Variants in GDPD3 observed in about 807,000 individuals in gnomAD.
GDPD3 encodes glycerophosphodiester phosphodiesterase domain containing 3, also known as lysophospholipase D GDPD3.
Under a neutral mutation model 43.7 loss-of-function variants are expected in GDPD3, and 40 were observed. The observed-to-expected ratio is 0.91, with a 90% CI of 0.71 to 1.19. The LOEUF (loss-of-function observed/expected upper bound fraction) is 1.19, where lower values mean the gene tolerates loss of function less well. Among genes scored for constraint, GDPD3 ranks in the 50% most tolerant of loss-of-function variants. The pLI is 0.00. For missense variants in GDPD3, 363 were observed against 415.8 expected (o/e 0.87, Z 1.11); for synonymous variants, 145 against 162.9 (o/e 0.89, Z 0.84).
rs745659290 is a variant in GDPD3, at chr16:30,112,121, G to A, written c.573+11C>T. On this transcript the variant is annotated intron_variant, in intron 6 of 9. Transcript: ENST00000406256. This position sits in a 1 kb window ranked among gnomAD's most constrained non-coding sequence, Gnocchi z 5.4. ...GGAGGAAGAGGACGGGGGAGGGGTG[G>A]GGGGACTCACGGCAGCCTTGCATTT... 1 of 1,608,862 alleles carries A rather than the reference G, an allele frequency of 6.2e-7. No individual in the cohort carries two copies.
At chr16:30,105,807 A>G (rs1348004903) in intron 9 of GDPD3, among the ~76,000 whole-genome samples, 1 of 149,186 alleles carries the variant, frequency 6.7e-6, no homozygotes, top group Non-Finnish European at 1.5e-5. Context: ...CCGGCCCTAA[A>G]TAAATTATTA....
At chr16:30,107,623 T>A (rs1259484313) in intron 9 of GDPD3, 1 of 152,226 alleles carries the variant, frequency 6.6e-6, no homozygotes, top group African/African-American at 2.4e-5. Flanking sequence ...GTTGTCATCA[T>A]AATGGCTAAC....
chr16:30,112,080 A>C lies in GDPD3; in HGVS notation c.573+52T>G. ...TGCTGGGTGGGCTCCAGCTCTGGGGAGGAGGGGCCCCTGGAGGAGGAAGAG... is the reference window on the plus strand; with the variant it reads ...TGCTGGGTGGGCTCCAGCTCTGGGGCGGAGGGGCCCCTGGAGGAGGAAGAG... On this transcript the variant is annotated intron_variant, in intron 6 of 9. Transcript: ENST00000406256. The surrounding 1 kb of genome is among the most constrained non-coding windows in gnomAD (Gnocchi z 5.4). 20 of 1,388,816 alleles carry C rather than the reference A, an allele frequency of 1.4e-5. No individual in the cohort carries two copies. The highest frequency in any genetic ancestry group is 1.9e-4 in the Middle Eastern group (1 of 5,162). 86.0% of individuals were successfully genotyped at this position (1,388,816 alleles called of 1,614,324 possible).
chr16:30,112,046 G>A lies in GDPD3; in HGVS notation c.573+86C>T, dbSNP rs996990094. ...GAACTCTCCCAGACCCCTCTAGCTC[G>A]GGTCCCCATGCTGGGTGGGCTCCAG... On this transcript the variant is annotated intron_variant, in intron 6 of 9. Transcript: ENST00000406256. The surrounding 1 kb of genome is among the most constrained non-coding windows in gnomAD (Gnocchi z 5.4). The A allele has an allele frequency of 4.0e-5, 42 of 1,047,330 alleles. 1 individual carries two copies. The highest frequency in any genetic ancestry group is 1.9e-4 in the East Asian group (8 of 41,072). 64.9% of individuals were successfully genotyped at this position (1,047,330 alleles called of 1,614,324 possible).
chr16:30,104,983 CTCTT>C lies in GDPD3; in HGVS notation c.842_845del (p.Glu281GlyfsTer16). On this transcript the variant is annotated frameshift_variant, in exon 10 of 10. Transcript: ENST00000406256. LOFTEE classifies it high-confidence loss of function. Reference sequence around the variant, plus strand: ...CGCTGAAGGCTGCTTCAAAATCCGACTCTTCATTAAGGCACCAAAAGACCACCTG... The same window carrying C: ...CGCTGAAGGCTGCTTCAAAATCCGACCATTAAGGCACCAAAAGACCACCTG... 3 of 1,611,754 alleles carry C rather than the reference CTCTT, an allele frequency of 1.9e-6. No individual in the cohort carries two copies. The highest frequency in any genetic ancestry group is 1.7e-6 in the Non-Finnish European group (2 of 1,179,354).
At chr16:30,106,557 G>A (rs2072862322) in intron 9 of GDPD3, among the ~76,000 whole-genome samples, 3 of 152,072 alleles carry the variant, frequency 2.0e-5, no homozygotes, top group Admixed American at 2.0e-4. Flanking sequence ...GATGAGACGA[G>A]GTCTCTCTGT....
chr16:30,110,532 CA>C (rs1220011993), intron 7 of GDPD3: 1 of 151,914 alleles, frequency 6.6e-6, no homozygotes, highest in African/African-American at 2.4e-5. Context: ...TTCTGGACAA[CA>C]GAGGGGAGCA....
At chr16:30,110,481 C>A (rs1388335213) in intron 7 of GDPD3, 6 of 152,062 alleles carry the variant, frequency 3.9e-5, no homozygotes, top group Admixed American at 3.9e-4. Flanking sequence ...TATCATTGAT[C>A]TCTTTGTAGC....
Position 30,113,416 on chromosome 16 carries a change from G to A in GDPD3, c.63C>T (p.Phe21=), listed in dbSNP as rs1300925128. 6.2e-6 allele frequency: 10 copies of A among 1,612,280 alleles called. No homozygotes were observed. The highest frequency in any genetic ancestry group is 8.5e-6 in the Non-Finnish European group (10 of 1,178,968). ...ALGSYAMLSI[F]FLRRPHLLHT... ...GCAGCAGATGAGGCCGGCGCAGGAA[G>A]AAGATGGAGAGCATGGCATAGCTGC... is the stretch of plus-strand genomic sequence containing the variant. The change falls in exon 1 of 10, where the codon TTC becomes TTT. Residue 21 remains phenylalanine, a synonymous_variant. Transcript: ENST00000406256. This position sits in a 1 kb window ranked among gnomAD's most constrained non-coding sequence, Gnocchi z 5.9.
Position 30,112,459 on chromosome 16 carries a change from GC to G in GDPD3, c.365-36del, listed in dbSNP as rs2072908769. On this transcript the variant is annotated intron_variant, in intron 4 of 9. Coordinates refer to ENST00000406256, the MANE Select transcript of GDPD3 (RefSeq NM_024307.3). This position sits in a 1 kb window ranked among gnomAD's most constrained non-coding sequence, Gnocchi z 5.4. ...GTGTGGGAAAAGGGGTCAGAGGGAA[GC>G]CAAGGCGGAGGTCCAAGGAAGGCAG... is the stretch of plus-strand genomic sequence containing the variant. The G allele has an allele frequency of 1.2e-6, 2 of 1,613,804 alleles. No individual in the cohort carries two copies. Among genetic ancestry groups the G allele is most frequent in the East Asian group, 4.5e-5 (2 of 44,882 alleles).
chr16:30,106,507 T>G (rs2151039558), intron 9 of GDPD3, among the ~76,000 whole-genome samples: 1 of 152,204 alleles, frequency 6.6e-6, no homozygotes, highest in East Asian at 1.9e-4. Context: ...GAGTGGGCAC[T>G]GAGGTAGGCG....
At position 30,108,016 on chromosome 16, in the gene GDPD3, CAG is replaced by C. The variant is rs199546777; in HGVS notation, c.819+195_819+196del. The C allele has an allele frequency of 7.0e-3, 3,667 of 524,076 alleles. 113 individuals carry two copies. Among genetic ancestry groups the C allele is most frequent in the African/African-American group, 0.06 (3,077 of 51,274 alleles). 32.5% of individuals were successfully genotyped at this position (524,076 alleles called of 1,614,324 possible). On this transcript the variant is annotated intron_variant, in intron 9 of 9. Transcript: ENST00000406256. Reference sequence around the variant, plus strand: ...ACACACACACACACACACACACACACAGAAGAAGAAAATTGTGTGTGTTCGTG... The same window carrying C: ...ACACACACACACACACACACACACACAAGAAGAAAATTGTGTGTGTTCGTG...
chr16:30,111,248 G>T, intron 7 of GDPD3, 140 bp downstream of exon 7: 1 of 915,652 alleles, frequency 1.1e-6, no homozygotes, highest in Non-Finnish European at 1.7e-6. Flanking sequence ...ATTCATGAAT[G>T]CTGGGTAAGA....
chr16:30,113,275 C>G lies in GDPD3; in HGVS notation c.139+65G>C. 1 of 1,524,554 alleles carries G rather than the reference C, an allele frequency of 6.6e-7. No individual in the cohort carries two copies. The highest frequency in any genetic ancestry group is 8.8e-7 in the Non-Finnish European group (1 of 1,132,284). 94.4% of individuals were successfully genotyped at this position (1,524,554 alleles called of 1,614,324 possible). A position where few individuals can be genotyped will look rare whatever the true frequency, so the allele number is the denominator to read the frequency against. On this transcript the variant is annotated intron_variant, in intron 1 of 9. Coordinates refer to ENST00000406256, the MANE Select transcript of GDPD3 (RefSeq NM_024307.3). The surrounding 1 kb of genome is among the most constrained non-coding windows in gnomAD (Gnocchi z 5.9). Reference sequence around the variant, plus strand: ...TGGTCCCTGCCCCGTTTCTAGCATGCCCCCTTGGACCTACCCCTCTGTGCT... The same window carrying G: ...TGGTCCCTGCCCCGTTTCTAGCATGGCCCCTTGGACCTACCCCTCTGTGCT...
intron 9 of GDPD3, among the ~76,000 whole-genome samples, 191 bp from the exon 10 acceptor site, chr16:30,105,200 G>A (rs1282113694): frequency 1.3e-5 from 2 of 152,182 alleles, no homozygotes; most frequent in African/African-American, 4.8e-5. Context: ...TGGGTGCAGT[G>A]GCTCACGCCT....
At chr16:30,105,986 CTG>C (rs1304061612) in intron 9 of GDPD3, among the ~76,000 whole-genome samples, 3 of 151,876 alleles carry the variant, frequency 2.0e-5, no homozygotes, top group African/African-American at 7.3e-5. Flanking sequence ...TGGCGGGCGA[CTG>C]TAATCCCAGC....
intron 7 of GDPD3, among the ~76,000 whole-genome samples, chr16:30,109,051 CG>C (rs2072881553): frequency 6.6e-6 from 1 of 151,632 alleles, no homozygotes. Flanking sequence ...AGGATGGTCT[CG>C]ATCTCCTGAC....
In GDPD3 at chr16:30,112,961, G is replaced by T; in HGVS notation, c.182+61C>A. On this transcript the variant is annotated intron_variant, in intron 2 of 9. Coordinates refer to ENST00000406256, the MANE Select transcript of GDPD3 (RefSeq NM_024307.3). The surrounding 1 kb of genome is among the most constrained non-coding windows in gnomAD (Gnocchi z 5.4). ...GGAAGTGAATGGCGTCCCTTGCTGTGATGCAGTCCACGACCTGCACACCCT... is the reference window on the plus strand; with the variant it reads ...GGAAGTGAATGGCGTCCCTTGCTGTTATGCAGTCCACGACCTGCACACCCT... 1 of 1,544,038 alleles carries T rather than the reference G, an allele frequency of 6.5e-7. No homozygotes were observed. The highest frequency in any genetic ancestry group is 8.9e-7 in the Non-Finnish European group (1 of 1,118,540).
chr16:30,109,686 T>C (rs2072886258), intron 7 of GDPD3, among the ~76,000 whole-genome samples: 1 of 151,970 alleles, frequency 6.6e-6, no homozygotes, highest in Non-Finnish European at 1.5e-5. Flanking sequence ...ATGCCTGTAA[T>C]GCCAGCTACT....
Sources: gnomAD v4.1 joint callset for allele counts (sites outside exome capture counted in the v4.1 genomes callset) on GRCh38, gnomAD v4.1.1 for gene constraint, Gnocchi (gnomAD v3.1) non-coding constraint, MANE v1.5 for transcripts, NCBI Gene and HGNC (gene_info 2026-07-23, HGNC 2026-07-21) for gene names.